The following ATRNL1 variants were observed in gnomAD, a reference collection of about 807,000 sequenced individuals.
The protein encoded by ATRNL1 is attractin like 1.
Under a neutral mutation model 182.7 loss-of-function variants are expected in ATRNL1, and 95 were observed. That is an observed-to-expected ratio of 0.52 (90% CI 0.44 to 0.62). ATRNL1 has a LOEUF of 0.62. Among genes scored for constraint, ATRNL1 ranks in the 20% least tolerant of loss-of-function variants. ATRNL1 has a pLI of 0.00. For missense variants in ATRNL1, 1,471 were observed against 1,679.5 expected, an observed-to-expected ratio of 0.88 and a Z score of 2.17; for synonymous variants, 576 against 568.3, an observed-to-expected ratio of 1.01 and a Z score of -0.19.
chr10:115,160,329 A>T (rs2065719), intron 6 of ATRNL1, 115 bp downstream of exon 6: 7 of 915,040 alleles, frequency 7.6e-6, no homozygotes, highest in South Asian at 3.4e-5. Flanking sequence ...GGTAGTGTCT[A>T]TTTGCTAGTG....
At chr10:115,930,988 C>T (rs2134592198) in intron 28 of ATRNL1, among the ~76,000 whole-genome samples, 1 of 152,256 alleles carries the variant, frequency 6.6e-6, no homozygotes. Context: ...TTAAAATATG[C>T]AGTTATTCAT....
intron 19 of ATRNL1, among the ~76,000 whole-genome samples, chr10:115,389,174 G>A (rs568561164): frequency 1.3e-4 from 19 of 151,928 alleles, no homozygotes; most frequent in African/African-American, 4.6e-4. Flanking sequence ...GTCTTTTTGT[G>A]CCTGGTTTAT....
chr10:115,879,452 G>A (rs1951777171), intron 28 of ATRNL1, among the ~76,000 whole-genome samples: 3 of 152,196 alleles, frequency 2.0e-5, no homozygotes, highest in Admixed American at 2.0e-4. Context: ...AAAGCATGAT[G>A]CTATGTAGCC....
chr10:115,527,910 T>TCCTC (rs1554987024), intron 25 of ATRNL1, among the ~76,000 whole-genome samples: 2 of 89,250 alleles, frequency 2.2e-5, no homozygotes, highest in Non-Finnish European at 5.2e-5. Flanking sequence ...CTTCCTTCCT[T>TCCTC]CCTTCCTCCC....
At chr10:115,173,326 A>C (rs1046954263) in intron 8 of ATRNL1, among the ~76,000 whole-genome samples, 8 of 152,030 alleles carry the variant, frequency 5.3e-5, no homozygotes, top group African/African-American at 1.9e-4. Flanking sequence ...TGGTTTTATT[A>C]TAGTGCTCAG....
At chr10:115,738,089 G>A (rs1384262188) in intron 27 of ATRNL1, among the ~76,000 whole-genome samples, 2 of 134,024 alleles carry the variant, frequency 1.5e-5, no homozygotes, top group Admixed American at 8.3e-5. Flanking sequence ...TAAGGAAATT[G>A]CCAAATTCTT....
intron 26 of ATRNL1, among the ~76,000 whole-genome samples, chr10:115,583,920 G>A (rs4492729): frequency 0.96 from 145,565 of 151,412 alleles, 70,262 homozygotes; most frequent in South Asian, 1. Context: ...TTTGAGATAC[G>A]TCCCATCAAT....
At chr10:115,262,372 TATG>T (rs1291352121) in intron 10 of ATRNL1, among the ~76,000 whole-genome samples, 2 of 151,738 alleles carry the variant, frequency 1.3e-5, no homozygotes, top group African/African-American at 4.8e-5. Flanking sequence ...ATCTGGAAAA[TATG>T]ATATATGGGA....
At chr10:115,843,054 G>A (rs139212393) in intron 27 of ATRNL1, among the ~76,000 whole-genome samples, 1 of 151,994 alleles carries the variant, frequency 6.6e-6, no homozygotes, top group African/African-American at 2.4e-5. Context: ...ATGCCTTGTC[G>A]CTTATTTCAC....
chr10:115,361,020 T>A (rs1209334340), intron 19 of ATRNL1, among the ~76,000 whole-genome samples: 1 of 151,932 alleles, frequency 6.6e-6, no homozygotes, highest in African/African-American at 2.4e-5. Context: ...CAATGAACCT[T>A]TGGTTACAGT....
intron 26 of ATRNL1, among the ~76,000 whole-genome samples, chr10:115,717,260 T>G (rs1022470442): frequency 5.9e-5 from 9 of 152,190 alleles, no homozygotes; most frequent in Non-Finnish European, 1.3e-4. Flanking sequence ...GCCATTTTGT[T>G]CCAGGCTAAT....
At chr10:115,120,092 T>C in intron 1 of ATRNL1, 93 bp from the exon 2 acceptor site, 1 of 756,524 alleles carries the variant, frequency 1.3e-6, no homozygotes, top group Non-Finnish European at 2.2e-6. Context: ...GTCCCGTTCC[T>C]TTGGCTTAAT....
chr10:115,485,916 C>T (rs1020188136), intron 24 of ATRNL1, among the ~76,000 whole-genome samples: 17 of 149,772 alleles, frequency 1.1e-4, no homozygotes, highest in African/African-American at 4.2e-4. Context: ...CCAATAGGCC[C>T]TGGTTTGTGA....
intron 19 of ATRNL1, among the ~76,000 whole-genome samples, chr10:115,380,103 T>C (rs1353087758): frequency 6.6e-6 from 1 of 152,234 alleles, no homozygotes; most frequent in Non-Finnish European, 1.5e-5. Context: ...GTGCTGGGAT[T>C]ACAGTCGTGA....
intron 28 of ATRNL1, among the ~76,000 whole-genome samples, chr10:115,852,850 A>G (rs1454404969): frequency 1.3e-5 from 2 of 152,210 alleles, no homozygotes; most frequent in Non-Finnish European, 2.9e-5. Flanking sequence ...AAATCTGTGC[A>G]TGCCGTGGCG....
chr10:115,694,866 G>A (rs907093572), intron 26 of ATRNL1, among the ~76,000 whole-genome samples: 1 of 148,320 alleles, frequency 6.7e-6, no homozygotes, highest in African/African-American at 2.5e-5. Flanking sequence ...GTGAATGAGT[G>A]CATTCTATTT....
chr10:115,190,167 T>C (rs1848114498), intron 8 of ATRNL1, among the ~76,000 whole-genome samples: 1 of 152,170 alleles, frequency 6.6e-6, no homozygotes, highest in South Asian at 2.1e-4. Flanking sequence ...TTTCTCAGAA[T>C]GTATCCTCAT....
chr10:115,356,530 T>C (rs2134141369), intron 19 of ATRNL1, among the ~76,000 whole-genome samples: 1 of 152,162 alleles, frequency 6.6e-6, no homozygotes, highest in Middle Eastern at 3.4e-3. Flanking sequence ...TGTTTGGCCC[T>C]GATGTCAGAT....
intron 24 of ATRNL1, among the ~76,000 whole-genome samples, chr10:115,471,677 T>A (rs1304317755): frequency 1.3e-5 from 2 of 150,834 alleles, no homozygotes; most frequent in Non-Finnish European, 3.0e-5. Context: ...CCTTTGCCCA[T>A]TGTTTCCATT....
Sources: allele counts gnomAD v4.1 joint callset (sites outside exome capture counted in the v4.1 genomes callset), GRCh38; gene constraint gnomAD v4.1.1; transcripts MANE v1.5; gene names NCBI Gene and HGNC (gene_info 2026-07-23, HGNC 2026-07-21).